Variants in HSCB observed in about 807,000 individuals in gnomAD.
The protein encoded by HSCB is HscB mitochondrial iron-sulfur cluster cochaperone.
In HSCB, 23 loss-of-function variants were observed where a neutral mutation model predicts 31.3. The ratio of observed to expected loss-of-function variants is 0.74; its 90% CI spans 0.53 to 1.04. The LOEUF is 1.04. Ranked by LOEUF, HSCB falls within the 50% of genes least tolerant of loss-of-function variation. The probability of loss-of-function intolerance (pLI) is 0.00; values close to 1 mark genes in which losing one functional copy is unlikely to be tolerated. For missense variants in HSCB, 297 were observed against 288.1 expected (o/e 1.03, Z -0.22); for synonymous variants, 110 against 104.5 (o/e 1.05, Z -0.32).
At chr22:28,751,056 G>A (rs5762772) in intron 4 of HSCB, among the ~76,000 whole-genome samples, 185 bp from the exon 5 acceptor site, 8 of 146,186 alleles carry the variant, frequency 5.5e-5, no homozygotes, top group African/African-American at 2.0e-4. Context: ...GGGTAAACCA[G>A]AGTTGTGCTA....
chr22:28,753,394 G>T (rs1195396651), intron 5 of HSCB, among the ~76,000 whole-genome samples: 1 of 151,778 alleles, frequency 6.6e-6, no homozygotes, highest in Non-Finnish European at 1.5e-5. Context: ...GTGGCATGGT[G>T]GCGGGCGCCT....
intron 4 of HSCB, among the ~76,000 whole-genome samples, chr22:28,748,705 CG>C (rs1424510700): frequency 6.6e-6 from 1 of 151,812 alleles, no homozygotes; most frequent in Non-Finnish European, 1.5e-5. Flanking sequence ...TAAGTAGTGA[CG>C]GGGTTTTACC....
chr22:28,749,607 G>C (rs1370746942), intron 4 of HSCB, among the ~76,000 whole-genome samples: 1 of 152,134 alleles, frequency 6.6e-6, no homozygotes, highest in African/African-American at 2.4e-5. Context: ...TAGTTTAAAA[G>C]GAACTTGGTA....
chr22:28,743,478 CTG>C (rs2054626266), intron 1 of HSCB, among the ~76,000 whole-genome samples: 1 of 152,210 alleles, frequency 6.6e-6, no homozygotes, highest in African/African-American at 2.4e-5. Flanking sequence ...GAATCTTTGT[CTG>C]TGTAATTTAG....
Position 28,757,504 on chromosome 22 carries a change from AAT to A in HSCB, c.*337_*338del, listed in dbSNP as rs1454239029. On this transcript the variant is annotated 3_prime_UTR_variant, in exon 6 of 6. Transcript: ENST00000216027. Reference sequence around the variant, plus strand: ...AATCTTGAAAAATAAATAAATGAAAAATAAAATTCTTGTATATTTCTTTTCTG... The same window carrying A: ...AATCTTGAAAAATAAATAAATGAAAAAAAATTCTTGTATATTTCTTTTCTG... 5.5e-6 allele frequency: 1 copy of A among 180,874 alleles called. No homozygotes were observed. The highest frequency in any genetic ancestry group is 2.4e-5 in the African/African-American group (1 of 41,608). 11.2% of individuals were successfully genotyped at this position (180,874 alleles called of 1,614,324 possible). A position where few individuals can be genotyped will look rare whatever the true frequency, so the allele number is the denominator to read the frequency against.
At chr22:28,753,454 G>A (rs1486765398) in intron 5 of HSCB, among the ~76,000 whole-genome samples, 2 of 151,386 alleles carry the variant, frequency 1.3e-5, no homozygotes, top group Non-Finnish European at 2.9e-5. Context: ...CTTGAACCCG[G>A]GAGACAGATG....
intron 5 of HSCB, among the ~76,000 whole-genome samples, chr22:28,754,068 G>GT (rs1235733765): frequency 6.6e-6 from 1 of 152,016 alleles, no homozygotes; most frequent in Non-Finnish European, 1.5e-5. Context: ...GGAAGGTGGA[G>GT]TTTGCAGTGA....
chr22:28,756,626 G>A (rs1245611524), intron 5 of HSCB, among the ~76,000 whole-genome samples: 1 of 151,790 alleles, frequency 6.6e-6, no homozygotes, highest in East Asian at 1.9e-4. Context: ...GTGCCACCAT[G>A]CCTGGCTAAT....
intron 4 of HSCB, among the ~76,000 whole-genome samples, chr22:28,750,200 G>T (rs1233828438): frequency 7.8e-6 from 1 of 128,624 alleles, no homozygotes; most frequent in Non-Finnish European, 1.6e-5. Flanking sequence ...AGTGAGCCGA[G>T]ATCGCACCAT....
At position 28,742,045 on chromosome 22, in the gene HSCB, T is replaced by A; in HGVS notation, c.-51T>A. On this transcript the variant is annotated 5_prime_UTR_variant, in exon 1 of 6. Transcript: ENST00000216027. ...CAGCAACATTAGTCTGGTTAGACGC[T>A]CTCTTTGCTTTTCCCCACGAGTGAC... The A allele has an allele frequency of 6.4e-7, 1 of 1,554,534 alleles. No individual in the cohort carries two copies.
At position 28,751,246 on chromosome 22, in the gene HSCB, C is replaced by A; in HGVS notation, c.574C>A (p.Gln192Lys). Reference sequence around the variant, plus strand: ...AGAATGGTTTTCTTTTTCAGCTAAACAGAAAGAATTTACTGACAATGTGAG... The same window carrying A: ...AGAATGGTTTTCTTTTTCAGCTAAAAAGAAAGAATTTACTGACAATGTGAG... ...KEIESIVKAK[Q>K]KEFTDNVSSA... Residue 192 changes from glutamine to lysine, a missense_variant, in exon 5 of 6, where the codon CAG (glutamine) becomes AAG (lysine). Physicochemically the swap from Gln to Lys is moderately conservative, Grantham distance 53. Transcript: ENST00000216027. 1.3e-6 allele frequency: 2 copies of A among 1,593,020 alleles called. No individual in the cohort carries two copies. Among genetic ancestry groups the A allele is most frequent in the Non-Finnish European group, 8.6e-7 (1 of 1,165,312 alleles).
In HSCB at chr22:28,745,852, C is replaced by T; in HGVS notation, c.424-12C>T. 6.3e-7 allele frequency: 1 copy of T among 1,592,822 alleles called. No homozygotes were observed. Among genetic ancestry groups the T allele is most frequent in the Admixed American group, 1.8e-5 (1 of 54,260 alleles). On this transcript the variant is annotated splice_polypyrimidine_tract_variant and intron_variant, in intron 3 of 5. Transcript: ENST00000216027. ...TTCTTCAACTTATTTTTCTTGCTTTCTACCCCAATAGCTAAAGCTCCATGG... is the reference window on the plus strand; with the variant it reads ...TTCTTCAACTTATTTTTCTTGCTTTTTACCCCAATAGCTAAAGCTCCATGG...
At chr22:28,750,735 G>C (rs778858839) in intron 4 of HSCB, among the ~76,000 whole-genome samples, 1 of 152,134 alleles carries the variant, frequency 6.6e-6, no homozygotes, top group Non-Finnish European at 1.5e-5. Flanking sequence ...TGAGATAGCT[G>C]CTGCTTTATT....
intron 4 of HSCB, among the ~76,000 whole-genome samples, chr22:28,749,827 T>TA (rs1279357452): frequency 6.6e-6 from 1 of 152,132 alleles, no homozygotes; most frequent in Non-Finnish European, 1.5e-5. Context: ...GGCAGCGTGC[T>TA]ACTGACTTTG....
intron 5 of HSCB, among the ~76,000 whole-genome samples, chr22:28,756,121 C>T (rs116689775): frequency 0.011 from 1,701 of 152,070 alleles, 28 homozygotes; most frequent in African/African-American, 0.039. Flanking sequence ...GTGGCGCACA[C>T]CCTGTAGTAC....
intron 4 of HSCB, among the ~76,000 whole-genome samples, chr22:28,747,267 A>T (rs1237879836): frequency 6.6e-6 from 1 of 152,142 alleles, no homozygotes; most frequent in East Asian, 1.9e-4. Context: ...TGTTAATCAC[A>T]TCTACGAATA....
rs763970579 is a variant in HSCB at position 28,742,216 on chromosome 22, T to C, written c.121T>C (p.Cys41Arg). The C allele has an allele frequency of 1.1e-5, 17 of 1,613,846 alleles. No homozygotes were observed. The highest frequency in any genetic ancestry group is 1.4e-5 in the Non-Finnish European group (16 of 1,179,992). ...ASQAGSNYPRCWNCGGPWGPG... is the reference protein window; with the variant it reads ...ASQAGSNYPRRWNCGGPWGPG... ...GCAGGCGGGAAGCAATTATCCCCGC[T>C]GTTGGAACTGCGGCGGCCCATGGGG... The change falls in exon 1 of 6, where the codon TGT becomes CGT. Residue 41 changes from cysteine (C) to arginine (R), a missense_variant. Physicochemically the swap from Cys to Arg is radical, Grantham distance 180 (BLOSUM62 -3). Transcript: ENST00000216027.
At chr22:28,744,508 C>A in intron 2 of HSCB, 107 bp from the exon 3 acceptor site, 2 of 739,684 alleles carry the variant, frequency 2.7e-6, no homozygotes, top group South Asian at 1.6e-5. Flanking sequence ...GCTGAGTTCG[C>A]GCCACTGCAC....
intron 5 of HSCB, among the ~76,000 whole-genome samples, chr22:28,754,322 G>A (rs2030457428): frequency 6.6e-6 from 1 of 152,022 alleles, no homozygotes; most frequent in Non-Finnish European, 1.5e-5. Flanking sequence ...TCAGGAAGAG[G>A]AAAATAGAGA....
Sources: allele counts gnomAD v4.1 joint callset (sites outside exome capture counted in the v4.1 genomes callset), GRCh38; gene constraint gnomAD v4.1.1; transcripts MANE v1.5; gene names NCBI Gene and HGNC (gene_info 2026-07-23, HGNC 2026-07-21).